The following FBXO46 variants were observed in gnomAD, a reference collection of about 807,000 sequenced individuals.
FBXO46 encodes F-box only protein 46.
FBXO46 carries 13 observed loss-of-function variants against 30.7 expected under a neutral mutation model. That is an observed-to-expected ratio of 0.42 (90% confidence interval 0.28 to 0.67). The LOEUF is 0.67. FBXO46 is among the 30% of genes least tolerant of loss of function. The pLI is 0.21. For missense variants in FBXO46, 754 were observed against 871.5 expected (o/e 0.87, Z 1.70); for synonymous variants, 467 against 385.8 (o/e 1.21, Z -2.47).
At position 45,711,363 on chromosome 19, in the gene FBXO46, C is replaced by G. The variant is rs540253458; in HGVS notation, c.*321G>C. ...GTACCAAAATTAGCTGCCGTCTGCTCCCTGCTGGTGGGTCCTTGGGGTGGA... is the reference window on the plus strand; with the variant it reads ...GTACCAAAATTAGCTGCCGTCTGCTGCCTGCTGGTGGGTCCTTGGGGTGGA... On this transcript the variant is annotated 3_prime_UTR_variant, in exon 2 of 2. Transcript: ENST00000317683. 3.6e-6 allele frequency: 2 copies of G among 550,468 alleles called. No homozygotes were observed. Among genetic ancestry groups the G allele is most frequent in the East Asian group, 8.3e-5 (2 of 24,224 alleles). The allele number at this position is 550,468 out of a possible 1,614,324, so 34.1% of individuals were successfully genotyped here.
intron 1 of FBXO46, among the ~76,000 whole-genome samples, chr19:45,730,555 T>A (rs1968294933): frequency 6.6e-6 from 1 of 151,884 alleles, no homozygotes. Flanking sequence ...ATCGACCCCT[T>A]CAGGGCCTCT....
In FBXO46 at chr19:45,711,693, C is replaced by T; in HGVS notation, c.1803G>A (p.Glu601=). The T allele has an allele frequency of 6.5e-7, 1 of 1,530,434 alleles. No homozygotes were observed. The highest frequency in any genetic ancestry group is 8.8e-7 in the Non-Finnish European group (1 of 1,142,000). 94.8% of individuals were successfully genotyped at this position (1,530,434 alleles called of 1,614,324 possible). Residue 601 remains glutamate, a synonymous_variant, in exon 2 of 2, where the codon GAG becomes GAA. Transcript: ENST00000317683. ...GPGGGRAGRE[E]GR The stretch of plus-strand genomic sequence containing the variant: ...CTCCCCTCCCCCGGCTTCACCTCCC[C>T]TCCTCCCGGCCGGCCCGGCCCCCGC...
rs763476298 is a variant in FBXO46, at chr19:45,713,299, G to C, written c.197C>G (p.Ala66Gly). 28 of 1,613,696 alleles carry C rather than the reference G, an allele frequency of 1.7e-5. No homozygotes were observed. The highest frequency in any genetic ancestry group is 2.1e-5 in the Non-Finnish European group (25 of 1,179,784). Reference sequence around the variant, plus strand: ...TGAGAGGAGCGGAGCCGGCTGGGAGGCAGGGACCTCAGTGGCCAAGGCGGG... The same window carrying C: ...TGAGAGGAGCGGAGCCGGCTGGGAGCCAGGGACCTCAGTGGCCAAGGCGGG... ...TPPALATEVP[A>G]SQPAPLLSAA... The change falls in exon 2 of 2, where the codon GCC (alanine) becomes GGC (glycine). Residue 66 changes from alanine to glycine, a missense_variant. Physicochemically the swap from Ala to Gly is moderately conservative, Grantham distance 60 (BLOSUM62 0). Around this residue, in one of 5 missense-constraint regions of FBXO46, gnomAD observed 97 missense variants for 113.0 expected, o/e 0.86. Transcript: ENST00000317683. This position sits in a 1 kb window ranked among gnomAD's most constrained non-coding sequence, Gnocchi z 4.7.
intron 1 of FBXO46, among the ~76,000 whole-genome samples, chr19:45,727,866 A>G (rs1433112483): frequency 6.6e-6 from 1 of 152,220 alleles, no homozygotes; most frequent in Non-Finnish European, 1.5e-5. Context: ...TTTTCTCTTC[A>G]CTGAAACACC....
chr19:45,728,855 G>C (rs1049424723), intron 1 of FBXO46, among the ~76,000 whole-genome samples: 1 of 152,106 alleles, frequency 6.6e-6, no homozygotes, highest in African/African-American at 2.4e-5. Flanking sequence ...AAATAAAAAG[G>C]CTGCGCGCAG....
rs777965708 is a variant in FBXO46, at chr19:45,711,408, T to C, written c.*276A>G. The C allele has an allele frequency of 6.9e-5, 41 of 595,990 alleles. 1 individual carries two copies. The highest frequency in any genetic ancestry group is 5.1e-4 in the South Asian group (33 of 64,600). The allele number at this position is 595,990 out of a possible 1,614,324, so 36.9% of individuals were successfully genotyped here. A position where few individuals can be genotyped will look rare whatever the true frequency, so the allele number is the denominator to read the frequency against. ...GGTGGAAAGCATGGCAGGGAGGGGG[T>C]TGGGGCTGAATGGAGAAGAAAGTGA... On this transcript the variant is annotated 3_prime_UTR_variant, in exon 2 of 2. Transcript: ENST00000317683.
At chr19:45,716,624 G>A (rs1968093981) in intron 1 of FBXO46, 1 of 151,614 alleles carries the variant, frequency 6.6e-6, no homozygotes, top group Admixed American at 6.6e-5. Flanking sequence ...TCCAACAGCA[G>A]ACGAACTCTT....
chr19:45,712,968 C>CA lies in FBXO46; in HGVS notation c.527dup (p.Ala177GlyfsTer40). 6.3e-7 allele frequency: 1 copy of CA among 1,581,376 alleles called. No homozygotes were observed. On this transcript the variant is annotated frameshift_variant, in exon 2 of 2. Transcript: ENST00000317683. LOFTEE classifies it high-confidence loss of function. This position sits in a 1 kb window ranked among gnomAD's most constrained non-coding sequence, Gnocchi z 8.8. Reference sequence around the variant, plus strand: ...GGGCTGCCCGCTGTTCCACCAGGGCCACCATCTCGGCCACAGAGAGCAGGT... The same window carrying CA: ...GGGCTGCCCGCTGTTCCACCAGGGCCAACCATCTCGGCCACAGAGAGCAGGT...
intron 1 of FBXO46, among the ~76,000 whole-genome samples, chr19:45,726,923 G>A (rs1005026421): frequency 5.3e-5 from 8 of 152,110 alleles, no homozygotes; most frequent in Admixed American, 2.0e-4. Flanking sequence ...AACTCCTTAC[G>A]AGAAGCTCAG....
At chr19:45,715,924 T>C (rs879782992) in intron 1 of FBXO46, 1 of 150,710 alleles carries the variant, frequency 6.6e-6, no homozygotes, top group Non-Finnish European at 1.5e-5. Context: ...CTCCACTCCA[T>C]AATCCCCAAT....
rs796384776 is a variant in FBXO46, at chr19:45,711,023, C to CT, written c.*660dup. The CT allele has an allele frequency of 5.5e-3, 1,222 of 221,878 alleles. No homozygotes were observed. Among genetic ancestry groups the CT allele is most frequent in the South Asian group, 0.015 (329 of 22,542 alleles). 13.7% of individuals were successfully genotyped at this position (221,878 alleles called of 1,614,324 possible). ...GAGGAGGAGGGTTTTTATACTTCAG[C>CT]TTTTTTTTTGTCTGCCCCCCTCTTC... is the stretch of plus-strand genomic sequence containing the variant. On this transcript the variant is annotated 3_prime_UTR_variant, in exon 2 of 2. Transcript: ENST00000317683.
At chr19:45,715,429 C>A (rs544017877) in intron 1 of FBXO46, 2 of 152,274 alleles carry the variant, frequency 1.3e-5, no homozygotes, top group East Asian at 3.9e-4. Context: ...GACCACATGG[C>A]CTGCAAAGCT....
At chr19:45,716,830 GGTA>G (rs1216543115) in intron 1 of FBXO46, 1 of 152,194 alleles carries the variant, frequency 6.6e-6, no homozygotes, top group Non-Finnish European at 1.5e-5. Context: ...CTAGGAAGCA[GGTA>G]GTGTTATTAA....
chr19:45,716,971 C>T (rs1968099328), intron 1 of FBXO46: 1 of 152,134 alleles, frequency 6.6e-6, no homozygotes, highest in African/African-American at 2.4e-5. Flanking sequence ...TCTGTCTCTC[C>T]GGGAGCTCCC....
At chr19:45,717,453 G>A in intron 1 of FBXO46, 1 of 152,324 alleles carries the variant, frequency 6.6e-6, no homozygotes. Context: ...GCCATTCGGG[G>A]CCGTGCCCAT....
chr19:45,725,347 G>A (rs896261508), intron 1 of FBXO46, among the ~76,000 whole-genome samples: 1 of 151,234 alleles, frequency 6.6e-6, no homozygotes, highest in Admixed American at 6.6e-5. Flanking sequence ...ATCAGGAGGT[G>A]GAAGTCACAG....
chr19:45,711,454 AAAC>A lies in FBXO46; in HGVS notation c.*227_*229del, dbSNP rs1360797045. 3 of 683,084 alleles carry A rather than the reference AAAC, an allele frequency of 4.4e-6. No individual in the cohort carries two copies. The highest frequency in any genetic ancestry group is 8.0e-6 in the Non-Finnish European group (3 of 375,866). 42.3% of individuals were successfully genotyped at this position (683,084 alleles called of 1,614,324 possible). Reference sequence around the variant, plus strand: ...AGTGAGATGCTGATAAAAAAAAAAAAAACACCCTTCTCAGAGGGTCCACGGCCC... The same window carrying A: ...AGTGAGATGCTGATAAAAAAAAAAAAACCCTTCTCAGAGGGTCCACGGCCC... On this transcript the variant is annotated 3_prime_UTR_variant, in exon 2 of 2. Coordinates refer to ENST00000317683, the MANE Select transcript of FBXO46 (RefSeq NM_001080469.2).
chr19:45,711,962 C>A lies in FBXO46; in HGVS notation c.1534G>T (p.Val512Leu). ...CTCCAGCGCGAGTCTGTGGCCCGCA[C>A]GCCAAACGCCTCGATGATGCCCTTG... ...HFKGIIEAFG[V>L]RATDSRWSRD... Residue 512 changes from valine (V) to leucine (L), a missense_variant, in exon 2 of 2, where the codon GTG becomes TTG. Val to Leu is a conservative substitution (Grantham distance 32). This residue lies in a region of FBXO46 where 162 missense variants were observed against 258.7 expected (regional missense o/e 0.63). Transcript: ENST00000317683. 6.2e-7 allele frequency: 1 copy of A among 1,612,970 alleles called. No homozygotes were observed.
chr19:45,712,921 C>T lies in FBXO46; in HGVS notation c.575G>A (p.Arg192Gln), dbSNP rs902091599. The change falls in exon 2 of 2, where the codon CGA (arginine) becomes CAA (glutamine). Residue 192 changes from arginine (R) to glutamine (Q), a missense_variant. Transcript: ENST00000317683. The surrounding 1 kb of genome is among the most constrained non-coding windows in gnomAD (Gnocchi z 8.8). ...RAALALQSYP[R>Q]PTTPAPVVFV... ...GACTACAGGCGCTGGGGTGGTCGGTCGTGGGTAGCTCTGCAGGGCCAGGGC... is the reference window on the plus strand; with the variant it reads ...GACTACAGGCGCTGGGGTGGTCGGTTGTGGGTAGCTCTGCAGGGCCAGGGC... The T allele has an allele frequency of 3.1e-6, 5 of 1,607,392 alleles. No homozygotes were observed. Among genetic ancestry groups the T allele is most frequent in the South Asian group, 1.1e-5 (1 of 90,232 alleles).
Sources: allele counts gnomAD v4.1 joint callset (sites outside exome capture counted in the v4.1 genomes callset), GRCh38; gene constraint gnomAD v4.1.1; regional missense constraint gnomAD v4.1.1; non-coding constraint Gnocchi (gnomAD v3.1); transcripts MANE v1.5; gene names NCBI Gene and HGNC (gene_info 2026-07-23, HGNC 2026-07-21).